SPTLC3: variants seen among roughly 807,000 people sequenced by gnomAD.
SPTLC3 encodes the protein serine palmitoyltransferase 3.
In SPTLC3, 36 loss-of-function variants were observed where a neutral mutation model predicts 59.3. That is an observed-to-expected ratio of 0.61 (90% CI 0.47 to 0.80). SPTLC3 has a LOEUF of 0.80. Ranked by LOEUF, SPTLC3 falls within the 30% of genes least tolerant of loss-of-function variation. The pLI, the probability that SPTLC3 is intolerant of heterozygous loss-of-function variation, is 0.00. For missense variants in SPTLC3, 625 were observed against 685.1 expected, an observed-to-expected ratio of 0.91 and a Z score of 0.98; for synonymous variants, 257 against 240.8, an observed-to-expected ratio of 1.07 and a Z score of -0.62.
chr20:13,074,522 C>T, intron 4 of SPTLC3, 25 bp downstream of exon 4: 1 of 1,589,444 alleles, frequency 6.3e-7, no homozygotes, highest in East Asian at 2.3e-5. Context: ...TGTTTTGAAA[C>T]TTTTTGCTGT....
intron 1 of SPTLC3, among the ~76,000 whole-genome samples, chr20:13,016,408 G>A (rs144688158): frequency 6.6e-6 from 1 of 152,250 alleles, no homozygotes; most frequent in African/African-American, 2.4e-5. Context: ...TATGTAATTT[G>A]CCTCATTGAA....
At chr20:13,045,354 A>C (rs1454876877) in intron 1 of SPTLC3, among the ~76,000 whole-genome samples, 1 of 152,254 alleles carries the variant, frequency 6.6e-6, no homozygotes, top group Non-Finnish European at 1.5e-5. Context: ...AACAATGCTT[A>C]TCTGCAGTAA....
At chr20:13,120,890 T>C (rs914704210) in intron 8 of SPTLC3, among the ~76,000 whole-genome samples, 1 of 152,174 alleles carries the variant, frequency 6.6e-6, no homozygotes, top group Non-Finnish European at 1.5e-5. Context: ...CACTTTGGGT[T>C]TGGAGCCGCT....
chr20:13,101,109 T>G (rs971355273), intron 6 of SPTLC3, among the ~76,000 whole-genome samples: 1 of 152,226 alleles, frequency 6.6e-6, no homozygotes, highest in African/African-American at 2.4e-5. Context: ...CCAGGATAGA[T>G]AACTCACTGT....
chr20:13,081,646 T>G (rs976297582), intron 4 of SPTLC3, among the ~76,000 whole-genome samples: 5 of 152,200 alleles, frequency 3.3e-5, no homozygotes, highest in African/African-American at 1.2e-4. Flanking sequence ...TTAATTAACA[T>G]ATTTTTACGT....
At chr20:13,163,428 A>G (rs1431571151) in intron 11 of SPTLC3, among the ~76,000 whole-genome samples, 1 of 151,850 alleles carries the variant, frequency 6.6e-6, no homozygotes, top group African/African-American at 2.4e-5. Context: ...TCCTCCATAA[A>G]TTATCTCACA....
intron 9 of SPTLC3, among the ~76,000 whole-genome samples, chr20:13,143,382 G>A (rs1055729975): frequency 6.6e-6 from 1 of 152,194 alleles, no homozygotes; most frequent in African/African-American, 2.4e-5. Flanking sequence ...CTCAAGTTAT[G>A]TCAGACACCC....
intron 4 of SPTLC3, among the ~76,000 whole-genome samples, chr20:13,084,954 G>C (rs545155645): frequency 6.6e-6 from 1 of 152,290 alleles, no homozygotes; most frequent in South Asian, 2.1e-4. Context: ...TGTTTGATGT[G>C]AAAGACCATC....
At position 13,164,794 on chromosome 20, in the gene SPTLC3, T is replaced by G; in HGVS notation, c.1586T>G (p.Leu529Arg). 2 of 1,613,856 alleles carry G rather than the reference T, an allele frequency of 1.2e-6. No individual in the cohort carries two copies. Among genetic ancestry groups the G allele is most frequent in the Non-Finnish European group, 1.7e-6 (2 of 1,179,860 alleles). Residue 529 changes from leucine (L) to arginine (R), a missense_variant, in exon 12 of 12, where the codon CTG becomes CGG. Transcript: ENST00000399002. ...GATGAAATGGGTGATCTCTTGCAAC[T>G]GAAATATTCCCGGCACAAGAAGTCA... ...ALDEMGDLLQ[L>R]KYSRHKKSAR...
chr20:13,064,879 T>C (rs1988133853), intron 2 of SPTLC3, among the ~76,000 whole-genome samples: 1 of 152,214 alleles, frequency 6.6e-6, no homozygotes. Flanking sequence ...ATTTATAATT[T>C]TCTTTATAAA....
At chr20:13,026,962 C>A (rs1360014399) in intron 1 of SPTLC3, among the ~76,000 whole-genome samples, 1 of 152,122 alleles carries the variant, frequency 6.6e-6, no homozygotes, top group Non-Finnish European at 1.5e-5. Flanking sequence ...TGATAAATAC[C>A]CCAGCAGCCT....
At chr20:13,014,595 A>T (rs1489775836) in intron 1 of SPTLC3, among the ~76,000 whole-genome samples, 1 of 152,138 alleles carries the variant, frequency 6.6e-6, no homozygotes, top group Non-Finnish European at 1.5e-5. Context: ...AGACCCAGAG[A>T]TAAAGATTTG....
chr20:13,014,773 C>G (rs1238939745), intron 1 of SPTLC3, among the ~76,000 whole-genome samples: 1 of 144,002 alleles, frequency 6.9e-6, no homozygotes, highest in African/African-American at 2.5e-5. Flanking sequence ...CAACACATCT[C>G]AAAGCTGTCT....
intron 4 of SPTLC3, among the ~76,000 whole-genome samples, chr20:13,082,999 T>C (rs1988890711): frequency 6.6e-6 from 1 of 152,182 alleles, no homozygotes; most frequent in Non-Finnish European, 1.5e-5. Flanking sequence ...GTGACAGAAA[T>C]GTAATACCAA....
At chr20:13,053,192 G>A (rs569712115) in intron 2 of SPTLC3, among the ~76,000 whole-genome samples, 5 of 152,124 alleles carry the variant, frequency 3.3e-5, no homozygotes, top group African/African-American at 1.2e-4. Context: ...GCTTCCAGAG[G>A]AAGGAACAGG....
chr20:13,022,034 C>T (rs188880197), intron 1 of SPTLC3, among the ~76,000 whole-genome samples: 6 of 152,120 alleles, frequency 3.9e-5, no homozygotes, highest in African/African-American at 7.2e-5. Flanking sequence ...AATCAAAAGT[C>T]GTCTCAAACT....
At chr20:13,119,570 C>T (rs546175852) in intron 8 of SPTLC3, among the ~76,000 whole-genome samples, 94 of 152,274 alleles carry the variant, frequency 6.2e-4, no homozygotes, top group Non-Finnish European at 1.2e-3. Context: ...TCTTAAAATG[C>T]TCATTTTATG....
chr20:13,089,492 A>G (rs1391755939), intron 4 of SPTLC3, among the ~76,000 whole-genome samples: 2 of 100,320 alleles, frequency 2.0e-5, no homozygotes, highest in Middle Eastern at 4.7e-3. Flanking sequence ...TAATCACTAT[A>G]AAAAAATATC....
At chr20:13,160,737 T>A (rs2038879551) in intron 11 of SPTLC3, among the ~76,000 whole-genome samples, 1 of 152,220 alleles carries the variant, frequency 6.6e-6, no homozygotes. Context: ...GAGTCAACTA[T>A]GTGCAAACTT....
Sources: gnomAD v4.1 joint callset for allele counts (sites outside exome capture counted in the v4.1 genomes callset) on GRCh38, gnomAD v4.1.1 for gene constraint, MANE v1.5 for transcripts, NCBI Gene and HGNC (gene_info 2026-07-23, HGNC 2026-07-21) for gene names.